SDK1: variants seen among roughly 807,000 people sequenced by gnomAD.
SDK1 encodes sidekick cell adhesion molecule 1.
A neutral mutation model predicts 245.5 loss-of-function variants in SDK1; 157 were observed. That is an observed-to-expected ratio of 0.64 (90% CI 0.56 to 0.73). The LOEUF is 0.73. Ranked by LOEUF, SDK1 falls within the 30% of genes least tolerant of loss-of-function variation. SDK1 has a pLI of 0.00. For synonymous variants in SDK1, 1,647 were observed against 1,278.5 expected (o/e 1.29, Z -6.15); for missense variants, 3,583 against 3,002.3 (o/e 1.19, Z -4.52).
At chr7:3,870,520 C>T (rs1213681392) in intron 5 of SDK1, among the ~76,000 whole-genome samples, 5 of 151,984 alleles carry the variant, frequency 3.3e-5, no homozygotes, top group South Asian at 2.1e-4. Flanking sequence ...CCTTCCCTGA[C>T]CTTTTGAGGG....
At chr7:3,959,854 G>C (rs1309357281) in intron 8 of SDK1, among the ~76,000 whole-genome samples, 1 of 151,436 alleles carries the variant, frequency 6.6e-6, no homozygotes, top group African/African-American at 2.4e-5. Context: ...GGTCATCCCA[G>C]CCCTCATCCC....
intron 2 of SDK1, among the ~76,000 whole-genome samples, chr7:3,632,789 A>G (rs1782337882): frequency 6.6e-6 from 1 of 152,190 alleles, no homozygotes; most frequent in African/African-American, 2.4e-5. Context: ...TGTATACACC[A>G]TCAAAGTCAC....
At chr7:3,389,643 T>C (rs1420844202) in intron 1 of SDK1, among the ~76,000 whole-genome samples, 1 of 152,204 alleles carries the variant, frequency 6.6e-6, no homozygotes, top group Non-Finnish European at 1.5e-5. Flanking sequence ...CTCAAGTCTG[T>C]AGTCCAAGCT....
At chr7:3,981,141 G>C (rs2128136845) in intron 13 of SDK1, among the ~76,000 whole-genome samples, 1 of 152,172 alleles carries the variant, frequency 6.6e-6, no homozygotes, top group South Asian at 2.1e-4. Flanking sequence ...TCACATTTTG[G>C]GAATTCTCAC....
At position 4,161,779 on chromosome 7, in the gene SDK1, G is replaced by A; in HGVS notation, c.4730-7G>A. 1.2e-6 allele frequency: 2 copies of A among 1,611,878 alleles called. No homozygotes were observed. Among genetic ancestry groups the A allele is most frequent in the Non-Finnish European group, 1.7e-6 (2 of 1,178,334 alleles). On this transcript the variant is annotated splice_polypyrimidine_tract_variant and splice_region_variant and intron_variant, in intron 31 of 44. Transcript: ENST00000404826. Reference sequence around the variant, plus strand: ...TGACCCCCGCTTTCCTCTCCTGTGTGTTTCAGTTCCAGGAGAGCCCCCGGG... The same window carrying A: ...TGACCCCCGCTTTCCTCTCCTGTGTATTTCAGTTCCAGGAGAGCCCCCGGG...
At chr7:3,572,579 G>C (rs1780150810) in intron 1 of SDK1, among the ~76,000 whole-genome samples, 2 of 152,052 alleles carry the variant, frequency 1.3e-5, no homozygotes, top group South Asian at 4.1e-4. Flanking sequence ...CTCACTGTGT[G>C]TGAGCCCAAT....
intron 1 of SDK1, among the ~76,000 whole-genome samples, chr7:3,604,640 T>C (rs1270359077): frequency 1.3e-5 from 2 of 150,730 alleles, no homozygotes; most frequent in African/African-American, 4.9e-5. Context: ...TTTGCTCTTG[T>C]TGCCCAGGCT....
intron 1 of SDK1, among the ~76,000 whole-genome samples, chr7:3,587,227 C>G (rs1456897354): frequency 6.6e-6 from 1 of 151,932 alleles, no homozygotes; most frequent in Non-Finnish European, 1.5e-5. Flanking sequence ...AATTGAGGGT[C>G]AGAGGGGATT....
intron 4 of SDK1, among the ~76,000 whole-genome samples, chr7:3,720,082 A>C (rs1037709538): frequency 2.6e-5 from 4 of 152,132 alleles, no homozygotes; most frequent in Admixed American, 6.5e-5. Flanking sequence ...ATTTACAAAA[A>C]TAAAATCTTA....
chr7:3,442,257 G>A (rs1780217134), intron 1 of SDK1, among the ~76,000 whole-genome samples: 1 of 152,184 alleles, frequency 6.6e-6, no homozygotes, highest in Non-Finnish European at 1.5e-5. Flanking sequence ...AGCCTTTCAT[G>A]TTAAAGCTCC....
chr7:4,166,695 G>A (rs560462626), intron 32 of SDK1, among the ~76,000 whole-genome samples: 7 of 152,296 alleles, frequency 4.6e-5, no homozygotes, highest in South Asian at 4.1e-4. Flanking sequence ...CTGAGCTTCC[G>A]GCCCGGGGGA....
At chr7:4,220,447 G>C (rs1168966001) in intron 39 of SDK1, among the ~76,000 whole-genome samples, 177 bp downstream of exon 39, 1 of 151,746 alleles carries the variant, frequency 6.6e-6, no homozygotes, top group Admixed American at 6.6e-5. Context: ...CGTCAACATG[G>C]AGTTTGCAGG....
At chr7:3,397,055 C>G (rs925020424) in intron 1 of SDK1, among the ~76,000 whole-genome samples, 12 of 151,812 alleles carry the variant, frequency 7.9e-5, no homozygotes, top group African/African-American at 2.4e-4. Flanking sequence ...GGGATCATAA[C>G]AAATAACTTA....
intron 19 of SDK1, among the ~76,000 whole-genome samples, chr7:4,066,049 A>G (rs1307373609): frequency 1.3e-5 from 2 of 152,174 alleles, no homozygotes; most frequent in African/African-American, 4.8e-5. Flanking sequence ...AGCTTTCAGT[A>G]GGAACCAGTG....
chr7:3,365,796 G>A (rs1489868261), intron 1 of SDK1, among the ~76,000 whole-genome samples: 4 of 149,972 alleles, frequency 2.7e-5, no homozygotes, highest in South Asian at 2.2e-4. Context: ...ACTTTGGGAG[G>A]CCGAGGTGGG....
At chr7:3,828,561 C>G (rs1370712863) in intron 5 of SDK1, among the ~76,000 whole-genome samples, 2 of 150,572 alleles carry the variant, frequency 1.3e-5, no homozygotes, top group South Asian at 2.1e-4. Flanking sequence ...ATAATTGTAA[C>G]AATAACTCAA....
chr7:3,683,028 G>A (rs900266074), intron 4 of SDK1, among the ~76,000 whole-genome samples: 10 of 152,106 alleles, frequency 6.6e-5, no homozygotes, highest in East Asian at 1.9e-4. Context: ...GCTACCACGC[G>A]CGGCCTGGAT....
intron 12 of SDK1, 40 bp from the exon 13 acceptor site, chr7:3,974,329 T>C: frequency 6.3e-7 from 1 of 1,575,210 alleles, no homozygotes; most frequent in Non-Finnish European, 8.7e-7. Context: ...ATTCTGTCAC[T>C]GTGGGGTTTG....
chr7:3,584,444 T>C (rs986940557), intron 1 of SDK1, among the ~76,000 whole-genome samples: 2 of 152,138 alleles, frequency 1.3e-5, no homozygotes, highest in African/African-American at 4.8e-5. Flanking sequence ...TTGGATAAAA[T>C]GCTGCAAACA....
Sources: gnomAD v4.1 joint callset for allele counts (sites outside exome capture counted in the v4.1 genomes callset) on GRCh38, gnomAD v4.1.1 for gene constraint, MANE v1.5 for transcripts, NCBI Gene and HGNC (gene_info 2026-07-23, HGNC 2026-07-21) for gene names.